Variants in ANKRD11 observed in about 807,000 individuals in gnomAD.
ANKRD11 encodes ankyrin repeat domain 11.
Under a neutral mutation model 195.7 loss-of-function variants are expected in ANKRD11, and 17 were observed. That is an observed-to-expected ratio of 0.09 (90% CI 0.06 to 0.13). The LOEUF (loss-of-function observed/expected upper bound fraction) is 0.13. Among genes scored for constraint, ANKRD11 ranks in the 10% least tolerant of loss-of-function variants. ANKRD11 has a pLI of 1.00. For synonymous variants in ANKRD11, 1,953 were observed against 1,528.1 expected (o/e 1.28, Z -6.49); for missense variants, 3,735 against 3,566.1 (o/e 1.05, Z -1.21).
At chr16:89,432,693 C>T (rs530598578) in intron 1 of ANKRD11, among the ~76,000 whole-genome samples, 2 of 152,242 alleles carry the variant, frequency 1.3e-5, no homozygotes, top group African/African-American at 2.4e-5. Flanking sequence ...CAGTCACACA[C>T]TCACCCCCAT....
Position 89,280,985 on chromosome 16 carries a change from GGGA to G in ANKRD11, c.5554_5556del (p.Ser1852del), listed in dbSNP as rs1371588776. On this transcript the variant is annotated inframe_deletion, in exon 9 of 13. Transcript: ENST00000301030. ...TTGGGCGACGGGAGGCCATAGTCTG[GGGA>G]GTAGTACCCTGGCGACAAGCAGGCA... 15 of 1,575,806 alleles carry G rather than the reference GGGA, an allele frequency of 9.5e-6. No homozygotes were observed. The highest frequency in any genetic ancestry group is 2.3e-5 in the South Asian group (2 of 85,596).
chr16:89,419,141 C>T (rs184474160), intron 1 of ANKRD11, among the ~76,000 whole-genome samples: 264 of 152,232 alleles, frequency 1.7e-3, no homozygotes, highest in Non-Finnish European at 1.3e-3. Flanking sequence ...GATTATACTG[C>T]AGTACCATTT....
intron 2 of ANKRD11, chr16:89,322,981 G>A (rs1414861654): frequency 7.0e-6 from 2 of 285,126 alleles, no homozygotes; most frequent in Non-Finnish European, 1.4e-5. Context: ...GTAGCTGGGA[G>A]TACAGGCCCG....
chr16:89,369,682 C>T (rs2040110539), intron 2 of ANKRD11, among the ~76,000 whole-genome samples: 1 of 152,208 alleles, frequency 6.6e-6, no homozygotes, highest in African/African-American at 2.4e-5. Flanking sequence ...AAGGTCCCGA[C>T]TGTGGGACAC....
At chr16:89,286,949 C>CA in intron 7 of ANKRD11, 4 of 1,289,744 alleles carry the variant, frequency 3.1e-6, no homozygotes, top group Non-Finnish European at 4.0e-6. Context: ...CCCACAGAAT[C>CA]AGTTTCCAGT....
chr16:89,274,503 G>T (rs147391237), intron 11 of ANKRD11, among the ~76,000 whole-genome samples: 1 of 152,208 alleles, frequency 6.6e-6, no homozygotes, highest in Non-Finnish European at 1.5e-5. Flanking sequence ...GCTGACACCC[G>T]TGAGAGGTAG....
intron 2 of ANKRD11, among the ~76,000 whole-genome samples, chr16:89,363,728 C>G (rs990343669): frequency 6.6e-6 from 1 of 152,150 alleles, no homozygotes; most frequent in African/African-American, 2.4e-5. Context: ...CTGTGGTAGA[C>G]TGGAAGAACA....
Position 89,284,708 on chromosome 16 carries a change from G to A in ANKRD11, c.1834C>T (p.Leu612=), listed in dbSNP as rs1287297991. ...GGGACAGCGCCCTCCGCGCTGGACAGGAAGGGGCTCTTCTTCTCCGACAGG... is the reference window on the plus strand; with the variant it reads ...GGGACAGCGCCCTCCGCGCTGGACAAGAAGGGGCTCTTCTTCTCCGACAGG... ...ASLSEKKSPF[L]SSAEGAVPKL... Residue 612 remains leucine (L), a synonymous_variant, in exon 9 of 13, where the codon CTG becomes TTG. Transcript: ENST00000301030. 2.5e-6 allele frequency: 4 copies of A among 1,613,936 alleles called. No individual in the cohort carries two copies. The highest frequency in any genetic ancestry group is 1.7e-6 in the Non-Finnish European group (2 of 1,180,020).
chr16:89,484,840 G>C (rs750477204), intron 1 of ANKRD11, among the ~76,000 whole-genome samples: 14 of 152,114 alleles, frequency 9.2e-5, no homozygotes, highest in Non-Finnish European at 1.3e-4. Context: ...ATAATGAACA[G>C]GTACACATTG....
chr16:89,332,597 A>C (rs990706465), intron 2 of ANKRD11, among the ~76,000 whole-genome samples: 2 of 152,248 alleles, frequency 1.3e-5, no homozygotes, highest in African/African-American at 4.8e-5. Flanking sequence ...GGATTAAATG[A>C]AAAAGCACTA....
chr16:89,375,316 C>A (rs865785159), intron 2 of ANKRD11, among the ~76,000 whole-genome samples: 2 of 152,188 alleles, frequency 1.3e-5, no homozygotes, highest in Admixed American at 1.3e-4. Context: ...AAGCTAGTTG[C>A]GGTAGCATGG....
chr16:89,269,571 C>CTGAG (rs76276959), intron 12 of ANKRD11, among the ~76,000 whole-genome samples: 1 of 151,696 alleles, frequency 6.6e-6, no homozygotes, highest in African/African-American at 2.4e-5. Context: ...TGATGGGCCT[C>CTGAG]TGAGTGAGTT....
chr16:89,415,849 A>AAAAAAAAAAC (rs1597338948), intron 2 of ANKRD11, among the ~76,000 whole-genome samples: 1 of 147,542 alleles, frequency 6.8e-6, no homozygotes, highest in East Asian at 2.0e-4. Context: ...AAAAAAAAAA[A>AAAAAAAAAAC]ACAATGGAGA....
At chr16:89,348,885 A>G (rs974411089) in intron 2 of ANKRD11, among the ~76,000 whole-genome samples, 1 of 151,224 alleles carries the variant, frequency 6.6e-6, no homozygotes, top group African/African-American at 2.4e-5. Flanking sequence ...AAAAAAAAAA[A>G]AAAACACCCA....
chr16:89,418,177 A>G (rs2042377893), intron 2 of ANKRD11, 107 bp downstream of exon 2: 11 of 425,498 alleles, frequency 2.6e-5, no homozygotes, highest in South Asian at 1.6e-4. Context: ...ACAAAACTCT[A>G]TCAAGTCCAA....
intron 1 of ANKRD11, among the ~76,000 whole-genome samples, chr16:89,488,037 G>A (rs550019317): frequency 6.6e-5 from 10 of 152,222 alleles, no homozygotes; most frequent in East Asian, 1.9e-4. Flanking sequence ...GAAGGCTGAC[G>A]CAAATGAGAG....
At position 89,282,394 on chromosome 16, in the gene ANKRD11, C is replaced by T. The variant is rs1339194028; in HGVS notation, c.4148G>A (p.Gly1383Asp). Residue 1383 changes from glycine (G) to aspartate (D), a missense_variant, in exon 9 of 13, where the codon GGC becomes GAC. Transcript: ENST00000301030. ...KKEKGEDYKE[G>D]GSRKDSGQYE... ...CTGGCCGGAGTCCTTCCTGCTACCG[C>T]CCTCCTTGTAATCTTCGCCCTTCTC... is the stretch of plus-strand genomic sequence containing the variant. The T allele has an allele frequency of 6.2e-7, 1 of 1,614,076 alleles. No individual in the cohort carries two copies. The highest frequency in any genetic ancestry group is 8.5e-7 in the Non-Finnish European group (1 of 1,180,042).
At chr16:89,371,405 A>G (rs528835545) in intron 2 of ANKRD11, among the ~76,000 whole-genome samples, 1 of 152,346 alleles carries the variant, frequency 6.6e-6, no homozygotes, top group African/African-American at 2.4e-5. Flanking sequence ...CATTCCCTGC[A>G]CAGACAGGTG....
At chr16:89,338,264 C>T (rs1374930273) in intron 2 of ANKRD11, among the ~76,000 whole-genome samples, 1 of 152,120 alleles carries the variant, frequency 6.6e-6, no homozygotes, top group Admixed American at 6.5e-5. Flanking sequence ...GAGCGCCACA[C>T]TGTGTCCTCC....
Sources: allele counts gnomAD v4.1 joint callset (sites outside exome capture counted in the v4.1 genomes callset), GRCh38; gene constraint gnomAD v4.1.1; transcripts MANE v1.5; gene names NCBI Gene and HGNC (gene_info 2026-07-23, HGNC 2026-07-21).